SUGCT: variants seen among roughly 807,000 people sequenced by gnomAD.
SUGCT encodes the protein succinyl-CoA:glutarate CoA-transferase.
Under a neutral mutation model 55.0 loss-of-function variants are expected in SUGCT, and 41 were observed. The ratio of observed to expected loss-of-function variants is 0.74; its 90% CI spans 0.58 to 0.97. The LOEUF is 0.97. SUGCT is among the 50% of genes least tolerant of loss of function. The pLI, the probability that SUGCT is intolerant of heterozygous loss-of-function variation, is 0.00. For missense variants in SUGCT, 568 were observed against 547.8 expected (o/e 1.04, Z -0.37); for synonymous variants, 187 against 200.4 (o/e 0.93, Z 0.56).
chr7:40,427,487 TA>T (rs1424703615), intron 9 of SUGCT, among the ~76,000 whole-genome samples: 1 of 152,186 alleles, frequency 6.6e-6, no homozygotes, highest in Non-Finnish European at 1.5e-5. Flanking sequence ...GTGATTACTT[TA>T]AAAAACTTTA....
At chr7:40,364,493 C>G (rs1783820032) in intron 9 of SUGCT, among the ~76,000 whole-genome samples, 1 of 152,050 alleles carries the variant, frequency 6.6e-6, no homozygotes. Flanking sequence ...TTCAGGAGCT[C>G]TTGTAGGGCA....
chr7:40,477,948 A>G (rs1562804609), intron 11 of SUGCT, among the ~76,000 whole-genome samples: 1 of 152,202 alleles, frequency 6.6e-6, no homozygotes. Flanking sequence ...TTTTAGGGCA[A>G]GAAGTCTGAC....
chr7:40,202,959 T>C (rs1786697073), intron 6 of SUGCT, among the ~76,000 whole-genome samples: 1 of 152,202 alleles, frequency 6.6e-6, no homozygotes, highest in Admixed American at 6.5e-5. Flanking sequence ...TTTTAGCCGA[T>C]GTAGCCATAA....
At chr7:40,378,875 G>A (rs1020036408) in intron 9 of SUGCT, among the ~76,000 whole-genome samples, 2 of 152,142 alleles carry the variant, frequency 1.3e-5, no homozygotes, top group Non-Finnish European at 2.9e-5. Context: ...CTGAAAGGTG[G>A]CCCCTGAGAT....
In SUGCT at chr7:40,175,652, G is replaced by A. The variant is rs115030394; in HGVS notation, c.101-5295G>A. 2.3e-3 allele frequency among the ~76,000 whole-genome samples: 353 copies of A among 152,058 alleles called. 1 individual carries two copies. Among genetic ancestry groups the A allele is most frequent in the African/African-American group, 8.1e-3 (336 of 41,460 alleles). On this transcript the variant is annotated intron_variant, in intron 1 of 13. Coordinates refer to ENST00000335693, the MANE Select transcript of SUGCT (RefSeq NM_001193313.2). Reference sequence around the variant, plus strand: ...TCTAACAATGTATTTTCTCCATAAGGCACATCATGGCCTTCTTATGCTTGG... The same window carrying A: ...TCTAACAATGTATTTTCTCCATAAGACACATCATGGCCTTCTTATGCTTGG...
chr7:40,862,829 T>C (rs1794519015), downstream of SUGCT, among the ~76,000 whole-genome samples: 1 of 152,146 alleles, frequency 6.6e-6, no homozygotes, highest in South Asian at 2.1e-4. Flanking sequence ...TGCTGAATGC[T>C]TCTCTAGCAG....
intron 6 of SUGCT, among the ~76,000 whole-genome samples, chr7:40,226,503 G>A (rs1365244886): frequency 1.3e-5 from 2 of 151,570 alleles, no homozygotes; most frequent in Non-Finnish European, 2.9e-5. Flanking sequence ...AAACGCTAGA[G>A]AACTGGCTCT....
At chr7:40,905,289 G>C in the SUGCT span, among the ~76,000 whole-genome samples, 1 of 152,136 alleles carries the variant, frequency 6.6e-6, no homozygotes, top group Non-Finnish European at 1.5e-5. Flanking sequence ...TATCTTAAGA[G>C]TGATTTTCTC....
At chr7:40,234,942 A>T (rs1447100505) in intron 6 of SUGCT, among the ~76,000 whole-genome samples, 1 of 152,094 alleles carries the variant, frequency 6.6e-6, no homozygotes, top group South Asian at 2.1e-4. Flanking sequence ...AAAGAAAAAG[A>T]TAATGGTTTT....
intron 9 of SUGCT, among the ~76,000 whole-genome samples, chr7:40,391,989 A>G (rs1292294876): frequency 1.3e-5 from 2 of 152,220 alleles, no homozygotes; most frequent in Non-Finnish European, 2.9e-5. Context: ...TTGTAGGGAC[A>G]TGGATAAAGC....
intron 9 of SUGCT, among the ~76,000 whole-genome samples, chr7:40,383,026 G>A (rs1393172720): frequency 6.6e-6 from 1 of 152,108 alleles, no homozygotes; most frequent in African/African-American, 2.4e-5. Context: ...GAAATTGTAA[G>A]TATGACACCC....
chr7:40,926,247 T>G, the SUGCT span, among the ~76,000 whole-genome samples: 1 of 152,174 alleles, frequency 6.6e-6, no homozygotes, highest in South Asian at 2.1e-4. Context: ...TCAAGCCTTA[T>G]TCTTCTTAGC....
intron 13 of SUGCT, among the ~76,000 whole-genome samples, chr7:40,812,385 T>C (rs181882368): frequency 3.5e-4 from 53 of 152,266 alleles, no homozygotes; most frequent in African/African-American, 1.3e-3. Flanking sequence ...TTAAAATTAT[T>C]GCTTCAATTT....
chr7:40,445,607 A>G (rs1788783635), intron 9 of SUGCT, among the ~76,000 whole-genome samples: 1 of 152,188 alleles, frequency 6.6e-6, no homozygotes, highest in African/African-American at 2.4e-5. Context: ...AAAGTATTCC[A>G]AACAATTGAA....
chr7:40,795,078 A>C (rs1790487507), intron 13 of SUGCT, among the ~76,000 whole-genome samples: 1 of 152,148 alleles, frequency 6.6e-6, no homozygotes, highest in Non-Finnish European at 1.5e-5. Flanking sequence ...AAGCTTGGGA[A>C]ACACTGGGTT....
intron 9 of SUGCT, among the ~76,000 whole-genome samples, chr7:40,329,460 G>A (rs1180387712): frequency 6.6e-6 from 1 of 152,086 alleles, no homozygotes; most frequent in Non-Finnish European, 1.5e-5. Flanking sequence ...TAGTGAAATA[G>A]GAACATTATA....
the SUGCT span, among the ~76,000 whole-genome samples, chr7:40,875,452 C>T: frequency 1.2e-4 from 19 of 152,238 alleles, no homozygotes; most frequent in East Asian, 3.7e-3. Flanking sequence ...TTGATGAGGC[C>T]ATATCTTCCA....
chr7:40,336,166 A>G (rs59533139), intron 9 of SUGCT, among the ~76,000 whole-genome samples: 88,862 of 151,940 alleles, frequency 0.58, 26,145 homozygotes, highest in South Asian at 0.71. Context: ...TTTACTGAGG[A>G]TTTTTGCATC....
chr7:40,657,143 A>C (rs1462892164), intron 12 of SUGCT, among the ~76,000 whole-genome samples: 1 of 152,194 alleles, frequency 6.6e-6, no homozygotes, highest in African/African-American at 2.4e-5. Flanking sequence ...ACATGATTTT[A>C]AGGTGATTTT....
Sources: allele counts gnomAD v4.1 joint callset (sites outside exome capture counted in the v4.1 genomes callset), GRCh38; gene constraint gnomAD v4.1.1; transcripts MANE v1.5; gene names NCBI Gene and HGNC (gene_info 2026-07-23, HGNC 2026-07-21).